HARBI1: variants seen among roughly 807,000 people sequenced by gnomAD.
HARBI1 encodes harbinger transposase derived 1, also known as putative nuclease HARBI1.
In HARBI1, 15 loss-of-function variants were observed where a neutral mutation model predicts 25.3. The ratio of observed to expected loss-of-function variants is 0.59; its 90% CI spans 0.40 to 0.91. HARBI1 has a LOEUF of 0.91. Among genes scored for constraint, HARBI1 ranks in the 40% least tolerant of loss-of-function variants. HARBI1 has a pLI of 0.00. For missense variants in HARBI1, 396 were observed against 445.8 expected (o/e 0.89, Z 1.01); for synonymous variants, 168 against 160.5 (o/e 1.05, Z -0.35).
intron 2 of HARBI1, among the ~76,000 whole-genome samples, chr11:46,610,554 G>C (rs1439188021): frequency 6.6e-6 from 1 of 151,908 alleles, no homozygotes; most frequent in Non-Finnish European, 1.5e-5. Flanking sequence ...CAGCTACTCC[G>C]GAGGCTGAGG....
chr11:46,603,456 A>G lies in HARBI1; in HGVS notation c.*74T>C. 1 of 1,258,598 alleles carries G rather than the reference A, an allele frequency of 7.9e-7. No homozygotes were observed. Among genetic ancestry groups the G allele is most frequent in the Middle Eastern group, 2.0e-4 (1 of 4,930 alleles). 78.0% of individuals were successfully genotyped at this position (1,258,598 alleles called of 1,614,324 possible). ...TATACTCAGTCATGCTAGATGATGG[A>G]ACTGTGTAAAAGGTGATGAGGAGGA... On this transcript the variant is annotated 3_prime_UTR_variant, in exon 3 of 3. Coordinates refer to ENST00000326737, the MANE Select transcript of HARBI1 (RefSeq NM_173811.4).
At chr11:46,607,489 A>C (rs750229453) in intron 2 of HARBI1, among the ~76,000 whole-genome samples, 38 of 152,200 alleles carry the variant, frequency 2.5e-4, no homozygotes, top group Non-Finnish European at 4.7e-4. Flanking sequence ...TAAAATAAGT[A>C]AGATGAATAC....
At chr11:46,616,840 A>T in intron 1 of HARBI1, 1 of 761,886 alleles carries the variant, frequency 1.3e-6, no homozygotes, top group Non-Finnish European at 1.6e-6. Flanking sequence ...GCAAAAAAAA[A>T]AAAAAAAAAA....
At chr11:46,616,860 A>AAC in intron 1 of HARBI1, 6 of 945,432 alleles carry the variant, frequency 6.3e-6, no homozygotes, top group Non-Finnish European at 7.5e-6. Flanking sequence ...AAAAAAAAAA[A>AAC]AACAACCAAA....
intron 2 of HARBI1, among the ~76,000 whole-genome samples, chr11:46,611,723 A>C (rs2045191428): frequency 6.6e-6 from 1 of 151,918 alleles, no homozygotes; most frequent in African/African-American, 2.4e-5. Flanking sequence ...AAAAAAAAAA[A>C]AGGTGGGGGG....
chr11:46,610,044 G>A (rs1309624757), intron 2 of HARBI1, among the ~76,000 whole-genome samples: 1 of 151,296 alleles, frequency 6.6e-6, no homozygotes, highest in Non-Finnish European at 1.5e-5. Flanking sequence ...GTAGAGATGA[G>A]GTTTCACCAT....
At chr11:46,612,283 T>C (rs1240831505) in intron 2 of HARBI1, among the ~76,000 whole-genome samples, 1 of 151,928 alleles carries the variant, frequency 6.6e-6, no homozygotes, top group Non-Finnish European at 1.5e-5. Context: ...CAAGACCCAA[T>C]CTCAAAAAAA....
At chr11:46,614,577 A>AAT (rs2045305018) in intron 2 of HARBI1, among the ~76,000 whole-genome samples, 1 of 152,086 alleles carries the variant, frequency 6.6e-6, no homozygotes. Context: ...CTCTACACAA[A>AAT]ATAAAAAAAA....
chr11:46,614,179 G>T (rs138488375), intron 2 of HARBI1, among the ~76,000 whole-genome samples: 2 of 151,600 alleles, frequency 1.3e-5, no homozygotes, highest in African/African-American at 4.8e-5. Flanking sequence ...TGTAATCCCA[G>T]CACTTTGGGA....
chr11:46,616,032 G>C lies in HARBI1; in HGVS notation c.206C>G (p.Pro69Arg). 1 of 1,614,196 alleles carries C rather than the reference G, an allele frequency of 6.2e-7. No individual in the cohort carries two copies. The highest frequency in any genetic ancestry group is 8.5e-7 in the Non-Finnish European group (1 of 1,180,028). ...RPTQRSRAIS[P>R]ETQVLAALGF... ...CAATGCTGCAAGGACCTGTGTCTCT[G>C]GGCTAATAGCCCTGGATCGCTGAGT... Residue 69 changes from proline to arginine, a missense_variant, in exon 2 of 3, where the codon CCA becomes CGA. Pro to Arg is a moderately radical substitution (Grantham distance 103, BLOSUM62 -2). Coordinates refer to ENST00000326737, the MANE Select transcript of HARBI1 (RefSeq NM_173811.4).
chr11:46,603,837 C>T lies in HARBI1; in HGVS notation c.743G>A (p.Arg248His), dbSNP rs899002215. The part of the protein sequence containing the change: ...LHIPETPAEY[R>H]YNMAHSATHS... ...AGTTGCAGAATGGGCCATGTTATAG[C>T]GATATTCTGCTGGAGTTTCAGGAAT... is the stretch of plus-strand genomic sequence containing the variant. Residue 248 changes from arginine to histidine, a missense_variant, in exon 3 of 3, where the codon CGC (arginine) becomes CAC (histidine). Coordinates refer to ENST00000326737, the MANE Select transcript of HARBI1 (RefSeq NM_173811.4). 28 of 1,613,896 alleles carry T rather than the reference C, an allele frequency of 1.7e-5. No homozygotes were observed. Among genetic ancestry groups the T allele is most frequent in the Non-Finnish European group, 2.4e-5 (28 of 1,179,998 alleles).
intron 2 of HARBI1, among the ~76,000 whole-genome samples, chr11:46,607,911 CAAA>C (rs201193777): frequency 9.3e-5 from 7 of 74,884 alleles, no homozygotes; most frequent in Admixed American, 1.6e-4. Context: ...AAAAATAATG[CAAA>C]AAAAAAAAAA....
chr11:46,614,093 A>C lies in HARBI1; in HGVS notation c.670+1475T>G, dbSNP rs551802010. On this transcript the variant is annotated intron_variant, in intron 2 of 2. Transcript: ENST00000326737. The stretch of plus-strand genomic sequence containing the variant: ...CTGTAAGATAAATTCTTAGGAGTAG[A>C]AGAGCTGGGTGAAATAACATAAAAT... 8.6e-5 allele frequency among the ~76,000 whole-genome samples: 13 copies of C among 151,948 alleles called. No homozygotes were observed. In the South Asian group the frequency reaches 2.1e-3, roughly 24 times the overall value.
intron 2 of HARBI1, among the ~76,000 whole-genome samples, chr11:46,611,156 T>C (rs955395620): frequency 6.6e-6 from 1 of 151,754 alleles, no homozygotes; most frequent in Non-Finnish European, 1.5e-5. Context: ...TACAGGCGCC[T>C]GCCACCACGC....
Position 46,603,439 on chromosome 11 carries a change from G to T in HARBI1, c.*91C>A. The stretch of plus-strand genomic sequence containing the variant: ...TTTATGACAAGTATCTGTATACTCA[G>T]TCATGCTAGATGATGGAACTGTGTA... On this transcript the variant is annotated 3_prime_UTR_variant, in exon 3 of 3. Coordinates refer to ENST00000326737, the MANE Select transcript of HARBI1 (RefSeq NM_173811.4). 8.8e-7 allele frequency: 1 copy of T among 1,135,754 alleles called. No homozygotes were observed. The highest frequency in any genetic ancestry group is 1.3e-6 in the Non-Finnish European group (1 of 788,824). The allele number at this position is 1,135,754 out of a possible 1,614,324, so 70.4% of individuals were successfully genotyped here. A position where few individuals can be genotyped will look rare whatever the true frequency, so the allele number is the denominator to read the frequency against.
intron 2 of HARBI1, chr11:46,604,473 C>T: frequency 1.0e-6 from 1 of 963,894 alleles, no homozygotes; most frequent in Non-Finnish European, 1.2e-6. Flanking sequence ...CTTAATAAAA[C>T]CAAATAAAAT....
chr11:46,606,372 G>A (rs1474348477), intron 2 of HARBI1, among the ~76,000 whole-genome samples: 1 of 151,678 alleles, frequency 6.6e-6, no homozygotes, highest in African/African-American at 2.4e-5. Context: ...GAGTGCAGTG[G>A]TGCAATCTCG....
At chr11:46,615,123 G>A (rs1298298382) in intron 2 of HARBI1, among the ~76,000 whole-genome samples, 1 of 152,016 alleles carries the variant, frequency 6.6e-6, no homozygotes, top group African/African-American at 2.4e-5. Context: ...TGTTGGTCAG[G>A]CTGGTCTTAA....
chr11:46,605,110 A>G (rs1215237712), intron 2 of HARBI1, among the ~76,000 whole-genome samples: 1 of 152,170 alleles, frequency 6.6e-6, no homozygotes, highest in Non-Finnish European at 1.5e-5. Flanking sequence ...CAGTTTGCAT[A>G]CCACTGTGTT....
Sources: gnomAD v4.1 joint callset for allele counts (sites outside exome capture counted in the v4.1 genomes callset) on GRCh38, gnomAD v4.1.1 for gene constraint, MANE v1.5 for transcripts, NCBI Gene and HGNC (gene_info 2026-07-23, HGNC 2026-07-21) for gene names.